The following SYNJ1 variants were observed in gnomAD, a reference collection of about 807,000 sequenced individuals.
SYNJ1 encodes polyphosphatidylinositol phosphatase SYNJ1.
In SYNJ1, 78 loss-of-function variants were observed where a neutral mutation model predicts 168.2. That is an observed-to-expected ratio of 0.46 (90% CI 0.39 to 0.56). SYNJ1 has a LOEUF of 0.56. Ranked by LOEUF, SYNJ1 falls within the 20% of genes least tolerant of loss-of-function variation. SYNJ1 has a pLI of 0.00. For missense variants in SYNJ1, 1,303 were observed against 1,597.6 expected (o/e 0.82, Z 3.14); for synonymous variants, 539 against 548.6 (o/e 0.98, Z 0.24).
intron 6 of SYNJ1, among the ~76,000 whole-genome samples, chr21:32,690,357 G>A (rs913850923): frequency 7.9e-5 from 12 of 152,122 alleles, no homozygotes; most frequent in Admixed American, 3.3e-4. Flanking sequence ...ACAGGCACAC[G>A]TCACCATGCC....
chr21:32,669,946 T>C (rs1211357815), intron 15 of SYNJ1, among the ~76,000 whole-genome samples: 1 of 152,198 alleles, frequency 6.6e-6, no homozygotes, highest in Non-Finnish European at 1.5e-5. Context: ...AGTAAATTTT[T>C]TGTTTTGAAA....
At chr21:32,718,110 G>A (rs2043088983) in intron 2 of SYNJ1, among the ~76,000 whole-genome samples, 1 of 152,174 alleles carries the variant, frequency 6.6e-6, no homozygotes, top group South Asian at 2.1e-4. Flanking sequence ...ATGGTCAGAA[G>A]CTCCCGTTAT....
chr21:32,664,811 G>A, intron 18 of SYNJ1, 102 bp downstream of exon 18: 2 of 1,028,154 alleles, frequency 1.9e-6, no homozygotes, highest in Non-Finnish European at 2.8e-6. Context: ...GCATATTTAA[G>A]TACAAAAAGA....
intron 3 of SYNJ1, among the ~76,000 whole-genome samples, chr21:32,701,419 T>A (rs965924874): frequency 1.5e-4 from 23 of 152,218 alleles, no homozygotes; most frequent in African/African-American, 5.3e-4. Flanking sequence ...CCTTATCTTA[T>A]CACGGATCAA....
At chr21:32,711,782 C>A (rs1441798044) in intron 2 of SYNJ1, among the ~76,000 whole-genome samples, 1 of 152,158 alleles carries the variant, frequency 6.6e-6, no homozygotes, top group Non-Finnish European at 1.5e-5. Context: ...ATACCTATTT[C>A]TTGATTTTCA....
At chr21:32,649,274 A>C (rs1282582111) in intron 23 of SYNJ1, among the ~76,000 whole-genome samples, 1 of 152,242 alleles carries the variant, frequency 6.6e-6, no homozygotes, top group Non-Finnish European at 1.5e-5. Context: ...ATATGTGTGG[A>C]CTGAGTAAAC....
intron 2 of SYNJ1, among the ~76,000 whole-genome samples, chr21:32,704,190 T>C (rs754252431): frequency 3.9e-5 from 6 of 152,208 alleles, no homozygotes; most frequent in Admixed American, 6.5e-5. Flanking sequence ...GGCCCATCTA[T>C]TAGACTATCA....
At chr21:32,703,333 A>G (rs2042479690) in intron 2 of SYNJ1, among the ~76,000 whole-genome samples, 2 of 152,232 alleles carry the variant, frequency 1.3e-5, no homozygotes, top group Non-Finnish European at 2.9e-5. Context: ...TTCATTCTGT[A>G]TTCCTTGAGT....
At chr21:32,706,496 CAAAA>C (rs762399267) in intron 2 of SYNJ1, among the ~76,000 whole-genome samples, 3 of 81,538 alleles carry the variant, frequency 3.7e-5, no homozygotes, top group Non-Finnish European at 2.6e-5. Context: ...AGTTCTGGGG[CAAAA>C]AAAAAAAAAA....
intron 18 of SYNJ1, among the ~76,000 whole-genome samples, chr21:32,661,817 G>T (rs912537695): frequency 1.3e-5 from 2 of 152,000 alleles, no homozygotes; most frequent in African/African-American, 4.8e-5. Context: ...TATACTAGGG[G>T]GACTTCCAGG....
At chr21:32,640,877 A>C (rs1028907220) in intron 29 of SYNJ1, among the ~76,000 whole-genome samples, 4 of 152,228 alleles carry the variant, frequency 2.6e-5, no homozygotes, top group Admixed American at 2.6e-4. Flanking sequence ...ATTTATTTTA[A>C]GCAAAATATG....
chr21:32,709,911 A>C (rs2042765920), intron 2 of SYNJ1, among the ~76,000 whole-genome samples: 1 of 152,080 alleles, frequency 6.6e-6, no homozygotes, highest in African/African-American at 2.4e-5. Context: ...AAAGAAATGG[A>C]AATCAGGTGG....
Position 32,726,822 on chromosome 21 carries a change from C to T in SYNJ1, c.74G>A (p.Arg25Lys), listed in dbSNP as rs774776352. Residue 25 changes from arginine (R) to lysine (K), a missense_variant, in exon 2 of 33, where the codon AGG (arginine) becomes AAG (lysine). Arg to Lys is a conservative substitution (Grantham distance 26, BLOSUM62 2). Around this residue, in one of 2 missense-constraint regions of SYNJ1, gnomAD observed 920 missense variants for 1,208.8 expected, o/e 0.76. Coordinates refer to ENST00000674351, the MANE Select transcript of SYNJ1 (RefSeq NM_203446.3). ...PPPFSLIVET[R>K]HKEECLMFES... is the part of the protein sequence containing the mutation. The stretch of plus-strand genomic sequence containing the variant: ...GAACATGAGACATTCTTCCTTATGC[C>T]TAGTTTCCACTATGAGGCTGAAAGG... 1 of 1,614,180 alleles carries T rather than the reference C, an allele frequency of 6.2e-7. No homozygotes were observed. Among genetic ancestry groups the T allele is most frequent in the Non-Finnish European group, 8.5e-7 (1 of 1,180,038 alleles).
chr21:32,653,508 G>C, intron 21 of SYNJ1, 142 bp from the exon 22 acceptor site: 1 of 632,608 alleles, frequency 1.6e-6, no homozygotes, highest in Admixed American at 2.9e-5. Flanking sequence ...GGTAGGGCTG[G>C]TGGTGACCTG....
chr21:32,727,496 G>C (rs574927689), intron 1 of SYNJ1, among the ~76,000 whole-genome samples: 3 of 152,298 alleles, frequency 2.0e-5, no homozygotes, highest in South Asian at 2.1e-4. Flanking sequence ...CCGCCGGCTG[G>C]GGGGACGGCA....
intron 6 of SYNJ1, among the ~76,000 whole-genome samples, chr21:32,691,360 T>C (rs1466748162): frequency 2.6e-5 from 4 of 152,246 alleles, no homozygotes; most frequent in African/African-American, 9.6e-5. Context: ...TTGCCATGAC[T>C]GGAAGCTTCC....
At chr21:32,668,222 C>G (rs996548098) in intron 15 of SYNJ1, among the ~76,000 whole-genome samples, 2 of 152,012 alleles carry the variant, frequency 1.3e-5, no homozygotes, top group African/African-American at 4.8e-5. Context: ...CGGGGCACCA[C>G]GTCCAGCTGA....
chr21:32,663,172 C>T (rs2040783488), intron 18 of SYNJ1, among the ~76,000 whole-genome samples: 1 of 152,120 alleles, frequency 6.6e-6, no homozygotes, highest in South Asian at 2.1e-4. Context: ...AGAATTAGTA[C>T]CTACAGACCC....
At chr21:32,667,526 G>C (rs2040987434) in intron 15 of SYNJ1, among the ~76,000 whole-genome samples, 1 of 151,922 alleles carries the variant, frequency 6.6e-6, no homozygotes, top group African/African-American at 2.4e-5. Flanking sequence ...TCTTTAAAAA[G>C]GGTCCAAACA....
Sources: gnomAD v4.1 joint callset for allele counts (sites outside exome capture counted in the v4.1 genomes callset) on GRCh38, gnomAD v4.1.1 for gene constraint, gnomAD v4.1.1 regional missense constraint, MANE v1.5 for transcripts, NCBI Gene and HGNC (gene_info 2026-07-23, HGNC 2026-07-21) for gene names.